KLF8: variants seen among roughly 807,000 people sequenced by gnomAD.
KLF8 encodes Krueppel-like factor 8.
Under a neutral mutation model 18.2 loss-of-function variants are expected in KLF8, and 10 were observed. The ratio of observed to expected loss-of-function variants is 0.55; its 90% CI spans 0.34 to 0.93. The LOEUF (loss-of-function observed/expected upper bound fraction) is 0.93, where lower values mean the gene tolerates loss of function less well. Among genes scored for constraint, KLF8 ranks in the 40% least tolerant of loss-of-function variants. The pLI, the probability that KLF8 is intolerant of heterozygous loss-of-function variation, is 0.02. For missense variants in KLF8, 264 were observed against 277.9 expected, an observed-to-expected ratio of 0.95 and a Z score of 0.36; for synonymous variants, 109 against 97.3, an observed-to-expected ratio of 1.12 and a Z score of -0.71.
At chrX:55,979,418 G>A in the KLF8 span, among the ~76,000 whole-genome samples, 1 of 111,699 alleles carries the variant, frequency 9.0e-6, no homozygotes, top group Non-Finnish European at 1.9e-5. Context: ...TACTATCCAT[G>A]GTTTCAGGCA....
chrX:56,256,894 G>C (rs12007704), intron 2 of KLF8, among the ~76,000 whole-genome samples: 20,684 of 110,599 alleles, frequency 0.19, 3,945 homozygotes, highest in African/African-American at 0.59. Context: ...GTAGAGACGG[G>C]GTTTCTCCAT....
At chrX:56,093,676 A>G in the KLF8 span, among the ~76,000 whole-genome samples, 100 of 111,232 alleles carry the variant, frequency 9.0e-4, no homozygotes, top group Non-Finnish European at 1.5e-3. Flanking sequence ...TTTATGTAAC[A>G]TAACAGTTTG....
chrX:56,111,636 A>G, the KLF8 span, among the ~76,000 whole-genome samples: 1 of 112,374 alleles, frequency 8.9e-6, no homozygotes, highest in South Asian at 3.7e-4. Context: ...ATTTACAAGA[A>G]AAAAACAAAC....
At chrX:56,142,887 T>C in the KLF8 span, among the ~76,000 whole-genome samples, 5 of 112,234 alleles carry the variant, frequency 4.5e-5, no homozygotes, top group South Asian at 1.5e-3. Flanking sequence ...ATTACTACTG[T>C]GATGCAAGCT....
chrX:56,126,252 C>T, the KLF8 span, among the ~76,000 whole-genome samples: 1 of 111,498 alleles, frequency 9.0e-6, no homozygotes, highest in African/African-American at 3.3e-5. Context: ...TCACTGTGTC[C>T]ATATATAATA....
the KLF8 span, among the ~76,000 whole-genome samples, chrX:56,025,637 C>T: frequency 9.0e-6 from 1 of 111,630 alleles, no homozygotes; most frequent in African/African-American, 3.3e-5. Context: ...TTTAGGGTTA[C>T]ATGTTTGGGG....
At chrX:56,006,083 C>T in the KLF8 span, among the ~76,000 whole-genome samples, 2 of 112,291 alleles carry the variant, frequency 1.8e-5, no homozygotes, top group South Asian at 7.4e-4. Context: ...CCCCTTAAGG[C>T]TAAAGTCTCC....
chrX:55,956,176 CT>C, the KLF8 span, among the ~76,000 whole-genome samples: 29 of 105,818 alleles, frequency 2.7e-4, no homozygotes, highest in Non-Finnish European at 4.7e-4. Context: ...TATCATCTAT[CT>C]ATCTATCTAT....
chrX:56,113,553 A>ATTTT, the KLF8 span, among the ~76,000 whole-genome samples: 1 of 24,083 alleles, frequency 4.2e-5, no homozygotes, highest in African/African-American at 1.7e-4. Flanking sequence ...TGGCAGGGAT[A>ATTTT]GTTTTTTTTT....
the KLF8 span, among the ~76,000 whole-genome samples, chrX:56,127,509 A>T: frequency 1.2e-4 from 13 of 110,379 alleles, no homozygotes; most frequent in African/African-American, 4.0e-4. Flanking sequence ...AAAATAAAAA[A>T]AATAATAATA....
At chrX:56,006,264 C>A in the KLF8 span, among the ~76,000 whole-genome samples, 1 of 112,128 alleles carries the variant, frequency 8.9e-6, no homozygotes, top group Non-Finnish European at 1.9e-5. Context: ...AGGTCTCCTG[C>A]TGCCAGGATT....
the KLF8 span, among the ~76,000 whole-genome samples, chrX:56,192,289 G>A: frequency 9.0e-6 from 1 of 111,444 alleles, no homozygotes; most frequent in African/African-American, 3.2e-5. Context: ...TCTTGACATT[G>A]AAAACTATAA....
chrX:56,167,991 A>G, the KLF8 span, among the ~76,000 whole-genome samples: 1 of 112,126 alleles, frequency 8.9e-6, no homozygotes, highest in East Asian at 2.8e-4. Flanking sequence ...ATGGAGCTAT[A>G]TCTCCACATA....
the KLF8 span, among the ~76,000 whole-genome samples, chrX:56,147,021 G>T: frequency 1.8e-5 from 2 of 112,002 alleles, no homozygotes; most frequent in African/African-American, 6.5e-5. Context: ...CCCGTAGGGA[G>T]TTTGATCAAG....
the KLF8 span, among the ~76,000 whole-genome samples, chrX:55,912,087 AG>A: frequency 5.4e-5 from 6 of 111,865 alleles, no homozygotes; most frequent in Non-Finnish European, 1.1e-4. Flanking sequence ...AGGTTGTCTT[AG>A]TATGGTGCTT....
At chrX:56,140,322 C>G in the KLF8 span, among the ~76,000 whole-genome samples, 1 of 111,661 alleles carries the variant, frequency 9.0e-6, no homozygotes, top group Non-Finnish European at 1.9e-5. Context: ...TTCACTGAAG[C>G]ACTATTCACA....
chrX:56,195,495 T>C, the KLF8 span, among the ~76,000 whole-genome samples: 5 of 111,405 alleles, frequency 4.5e-5, no homozygotes, highest in East Asian at 1.1e-3. Context: ...TGATTGAAGA[T>C]TAAATTAATG....
the KLF8 span, among the ~76,000 whole-genome samples, chrX:56,194,926 A>G: frequency 4.4e-5 from 5 of 112,424 alleles, no homozygotes; most frequent in Non-Finnish European, 7.5e-5. Flanking sequence ...CGCTGGTGAT[A>G]CCCAGGCAAA....
At chrX:56,236,565 A>G (rs2066476749) in intron 1 of KLF8, among the ~76,000 whole-genome samples, 1 of 111,034 alleles carries the variant, frequency 9.0e-6, no homozygotes, top group African/African-American at 3.3e-5. Context: ...ACCTTAATTT[A>G]GGCGAGACGT....
Sources: allele counts gnomAD v4.1 joint callset (sites outside exome capture counted in the v4.1 genomes callset), GRCh38; gene constraint gnomAD v4.1.1; transcripts MANE v1.5; gene names NCBI Gene and HGNC (gene_info 2026-07-23, HGNC 2026-07-21).